Variants in ZBTB7C observed in about 807,000 individuals in gnomAD.
The protein encoded by ZBTB7C is zinc finger and BTB domain-containing protein 7C.
ZBTB7C carries 8 observed loss-of-function variants against 25.7 expected under a neutral mutation model. That is an observed-to-expected ratio of 0.31 (90% CI 0.18 to 0.56). The LOEUF is 0.56. Ranked by LOEUF, ZBTB7C falls within the 20% of genes least tolerant of loss-of-function variation. The pLI is 0.91. For synonymous variants in ZBTB7C, 394 were observed against 369.0 expected (o/e 1.07, Z -0.78); for missense variants, 824 against 855.2 (o/e 0.96, Z 0.46).
chr18:48,133,869 C>G (rs536099703), intron 3 of ZBTB7C, among the ~76,000 whole-genome samples: 1 of 152,320 alleles, frequency 6.6e-6, no homozygotes, highest in East Asian at 1.9e-4. Context: ...AGCTCTCTCC[C>G]TGGCCCAACC....
intron 2 of ZBTB7C, among the ~76,000 whole-genome samples, chr18:48,332,134 T>A (rs547801521): frequency 6.6e-6 from 1 of 152,232 alleles, no homozygotes; most frequent in African/African-American, 2.4e-5. Context: ...GACTCATCGA[T>A]TGCATTTGGT....
intron 3 of ZBTB7C, among the ~76,000 whole-genome samples, chr18:48,106,717 A>T (rs4294878): frequency 0.73 from 111,248 of 151,966 alleles, 41,284 homozygotes; most frequent in African/African-American, 0.85. Context: ...TAAAAAAATA[A>T]CCCCCAGGCA....
At chr18:48,165,299 C>G (rs151054268) in intron 3 of ZBTB7C, 7 of 459,848 alleles carry the variant, frequency 1.5e-5, no homozygotes, top group African/African-American at 1.0e-4. Context: ...CTCATGCATT[C>G]GAATCTAAGA....
chr18:48,150,187 AGAGCCAG>A (rs2040631042), intron 3 of ZBTB7C, among the ~76,000 whole-genome samples: 1 of 152,234 alleles, frequency 6.6e-6, no homozygotes, highest in Non-Finnish European at 1.5e-5. Flanking sequence ...ATGGCAGCTC[AGAGCCAG>A]GATCTGAACT....
chr18:48,373,947 C>T (rs1338536120), intron 1 of ZBTB7C, among the ~76,000 whole-genome samples: 4 of 138,262 alleles, frequency 2.9e-5, no homozygotes, highest in African/African-American at 1.1e-4. Flanking sequence ...GGCAACAGAG[C>T]AAGACTCTGT....
intron 3 of ZBTB7C, among the ~76,000 whole-genome samples, chr18:48,097,644 G>T (rs772209309): frequency 6.6e-6 from 1 of 152,098 alleles, no homozygotes; most frequent in Non-Finnish European, 1.5e-5. Flanking sequence ...TAATCTACCC[G>T]CCTTGGCCTC....
At chr18:48,125,886 C>T (rs7230288) in intron 3 of ZBTB7C, among the ~76,000 whole-genome samples, 73,938 of 151,928 alleles carry the variant, frequency 0.49, 18,114 homozygotes, top group Middle Eastern at 0.62. Flanking sequence ...AAGATATCAT[C>T]GTGCAACTCT....
At chr18:48,182,796 A>C (rs2041961122) in intron 3 of ZBTB7C, among the ~76,000 whole-genome samples, 1 of 152,244 alleles carries the variant, frequency 6.6e-6, no homozygotes, top group Admixed American at 6.5e-5. Context: ...CAGAATACAC[A>C]ATATGCAAAT....
intron 1 of ZBTB7C, among the ~76,000 whole-genome samples, chr18:48,390,986 T>C (rs1356566544): frequency 6.6e-6 from 1 of 152,208 alleles, no homozygotes; most frequent in Non-Finnish European, 1.5e-5. Context: ...AGAAAGCCAC[T>C]GAGCTGGCTG....
intron 2 of ZBTB7C, among the ~76,000 whole-genome samples, chr18:48,235,729 C>T (rs1423814065): frequency 6.6e-6 from 1 of 152,104 alleles, no homozygotes; most frequent in Non-Finnish European, 1.5e-5. Flanking sequence ...TCATTTGATA[C>T]ATTACCCCCC....
intron 3 of ZBTB7C, chr18:48,165,344 T>C (rs9646522): frequency 0.4 from 164,883 of 409,124 alleles, 35,724 homozygotes; most frequent in East Asian, 0.53. Context: ...TCAGAGACAA[T>C]GAGTGTCCAG....
At position 48,204,062 on chromosome 18, in the gene ZBTB7C, C is replaced by CA. The variant is rs1251781365; in HGVS notation, c.-78-18068_-78-18067insT. 3.2e-4 allele frequency among the ~76,000 whole-genome samples: 48 copies of CA among 152,358 alleles called. No individual in the cohort carries two copies. In the East Asian group the frequency reaches 8.5e-3, roughly 27 times the overall value. On this transcript the variant is annotated intron_variant, in intron 2 of 4. Coordinates refer to ENST00000590800, the MANE Select transcript of ZBTB7C (RefSeq NM_001318841.2). Reference sequence around the variant, plus strand: ...CTCTTGCACACCTGGGAGATGGGGGCTCCCCCTCAGGCCCTCACCCCTTCT... The same window carrying CA: ...CTCTTGCACACCTGGGAGATGGGGGCATCCCCCTCAGGCCCTCACCCCTTCT...
chr18:48,141,151 C>CCCCCCCCT (rs2040336655), intron 3 of ZBTB7C, among the ~76,000 whole-genome samples: 6 of 145,378 alleles, frequency 4.1e-5, no homozygotes, highest in East Asian at 2.1e-4. Flanking sequence ...GCACCACCCC[C>CCCCCCCCT]CCCACTGTTC....
intron 2 of ZBTB7C, among the ~76,000 whole-genome samples, chr18:48,203,258 C>T (rs565642186): frequency 1.3e-5 from 2 of 152,158 alleles, no homozygotes; most frequent in Admixed American, 6.5e-5. Context: ...TAACACACAG[C>T]GTGGCTCCAA....
rs2044579758 is a variant in ZBTB7C, at chr18:48,274,291, A to G, written c.-79+63883T>C. Among the ~76,000 whole-genome samples, 6 of 152,192 alleles carry G rather than the reference A, an allele frequency of 3.9e-5. No homozygotes were observed. The South Asian group carries it at 1.2e-3, about 31-fold the overall frequency. ...TCCAAACAGTTGTGCTGCATGGTTT[A>G]TTTGTTAAATCAGATATTTTGAACT... On this transcript the variant is annotated intron_variant, in intron 2 of 4. Coordinates refer to ENST00000590800, the MANE Select transcript of ZBTB7C (RefSeq NM_001318841.2).
intron 1 of ZBTB7C, among the ~76,000 whole-genome samples, chr18:48,378,012 G>A (rs555226688): frequency 1.3e-5 from 2 of 152,232 alleles, no homozygotes; most frequent in Non-Finnish European, 2.9e-5. Context: ...TTAGCCAGGC[G>A]TGGCAGCATG....
intron 2 of ZBTB7C, among the ~76,000 whole-genome samples, chr18:48,302,377 T>A (rs1472304305): frequency 1.3e-5 from 2 of 152,126 alleles, no homozygotes; most frequent in Admixed American, 1.3e-4. Context: ...GAGTCCACCT[T>A]CTCTCCCTTT....
intron 3 of ZBTB7C, among the ~76,000 whole-genome samples, chr18:48,183,612 A>G (rs768292744): frequency 2.0e-5 from 3 of 152,222 alleles, no homozygotes; most frequent in African/African-American, 4.8e-5. Flanking sequence ...CTGTCTTGAC[A>G]AGAGTGGTGC....
intron 1 of ZBTB7C, among the ~76,000 whole-genome samples, chr18:48,348,716 C>T (rs1212626241): frequency 6.6e-6 from 1 of 152,256 alleles, no homozygotes; most frequent in Non-Finnish European, 1.5e-5. Context: ...ACTCGGGAGG[C>T]TGAGGCAGGA....
Sources: allele counts gnomAD v4.1 joint callset (sites outside exome capture counted in the v4.1 genomes callset), GRCh38; gene constraint gnomAD v4.1.1; transcripts MANE v1.5; gene names NCBI Gene and HGNC (gene_info 2026-07-23, HGNC 2026-07-21).